The following SLC4A10 variants were observed in gnomAD, a reference collection of about 807,000 sequenced individuals.
SLC4A10 encodes the protein solute carrier family 4 member 10.
Under a neutral mutation model 137.7 loss-of-function variants are expected in SLC4A10, and 42 were observed. The ratio of observed to expected loss-of-function variants is 0.30; its 90% CI spans 0.24 to 0.39. The LOEUF is 0.39. SLC4A10 is among the 10% of genes least tolerant of loss of function. SLC4A10 has a pLI of 1.00. For missense variants in SLC4A10, 925 were observed against 1,355.0 expected, an observed-to-expected ratio of 0.68 and a Z score of 4.98; for synonymous variants, 474 against 464.1, an observed-to-expected ratio of 1.02 and a Z score of -0.27.
intron 1 of SLC4A10, among the ~76,000 whole-genome samples, chr2:161,664,130 C>T (rs1466597474): frequency 1.3e-5 from 2 of 151,896 alleles, no homozygotes; most frequent in Non-Finnish European, 2.9e-5. Flanking sequence ...AAACAAGAAG[C>T]TCTGGGATTC....
intron 1 of SLC4A10, among the ~76,000 whole-genome samples, chr2:161,643,590 G>GT (rs1187424121): frequency 1.3e-5 from 2 of 152,076 alleles, no homozygotes; most frequent in Non-Finnish European, 2.9e-5. Flanking sequence ...AAAAGAGATA[G>GT]TTTTTTCATA....
In SLC4A10 at chr2:161,955,074, C is replaced by T. The variant is rs564971484; in HGVS notation, c.2542-1915C>T. 2.0e-5 allele frequency among the ~76,000 whole-genome samples: 3 copies of T among 152,208 alleles called. No individual in the cohort carries two copies. The South Asian group carries it at 6.2e-4, about 32-fold the overall frequency. Reference sequence around the variant, plus strand: ...CATCTTTTGATTTCTCTTAGCAGTACCATAATTTTGCAAAATAGCTCCAAG... The same window carrying T: ...CATCTTTTGATTTCTCTTAGCAGTATCATAATTTTGCAAAATAGCTCCAAG... On this transcript the variant is annotated intron_variant, in intron 19 of 26. Coordinates refer to ENST00000446997, the MANE Select transcript of SLC4A10 (RefSeq NM_001178015.2).
At chr2:161,733,019 G>A (rs2125193407) in intron 1 of SLC4A10, among the ~76,000 whole-genome samples, 2 of 152,290 alleles carry the variant, frequency 1.3e-5, no homozygotes, top group Middle Eastern at 3.4e-3. Context: ...GTCGTTGAAA[G>A]CATTCAGTTT....
chr2:161,956,802 T>C (rs540692668), intron 19 of SLC4A10, among the ~76,000 whole-genome samples, 187 bp from the exon 20 acceptor site: 1 of 152,322 alleles, frequency 6.6e-6, no homozygotes, highest in South Asian at 2.1e-4. Flanking sequence ...TTTTTTCTAA[T>C]AGAAGTCACC....
chr2:161,830,175 A>AAT (rs1559345916), intron 3 of SLC4A10, among the ~76,000 whole-genome samples: 1 of 151,682 alleles, frequency 6.6e-6, no homozygotes, highest in African/African-American at 2.4e-5. Flanking sequence ...AAAAAAAAAA[A>AAT]AATAACAACA....
chr2:161,668,717 G>A (rs2039366247), intron 1 of SLC4A10, among the ~76,000 whole-genome samples: 1 of 151,636 alleles, frequency 6.6e-6, no homozygotes, highest in Admixed American at 6.6e-5. Flanking sequence ...ATAGTCTTTT[G>A]GAACACATTA....
At chr2:161,701,137 C>T (rs2043080332) in intron 1 of SLC4A10, among the ~76,000 whole-genome samples, 1 of 151,932 alleles carries the variant, frequency 6.6e-6, no homozygotes, top group African/African-American at 2.4e-5. Flanking sequence ...ATACAGATCC[C>T]AAGGGCAAAA....
At chr2:161,758,217 A>G (rs1392562430) in intron 1 of SLC4A10, among the ~76,000 whole-genome samples, 1 of 151,996 alleles carries the variant, frequency 6.6e-6, no homozygotes, top group Admixed American at 6.6e-5. Flanking sequence ...GATAAAACAT[A>G]TCACTAATAA....
At chr2:161,633,815 C>T (rs1433719767) in intron 1 of SLC4A10, among the ~76,000 whole-genome samples, 1 of 151,576 alleles carries the variant, frequency 6.6e-6, no homozygotes, top group Non-Finnish European at 1.5e-5. Context: ...AATCCTTTTC[C>T]TAATAATAAA....
At chr2:161,852,842 G>C (rs2059907270) in intron 4 of SLC4A10, among the ~76,000 whole-genome samples, 1 of 152,070 alleles carries the variant, frequency 6.6e-6, no homozygotes. Context: ...TATTTAATGT[G>C]TTTAATTTGT....
At chr2:161,953,229 AT>A (rs993972429) in intron 19 of SLC4A10, among the ~76,000 whole-genome samples, 14 of 152,118 alleles carry the variant, frequency 9.2e-5, no homozygotes, top group African/African-American at 3.4e-4. Context: ...TCCCAAACAT[AT>A]TTTAGATCTT....
chr2:161,725,366 G>A (rs2046104469), intron 1 of SLC4A10, among the ~76,000 whole-genome samples: 1 of 152,130 alleles, frequency 6.6e-6, no homozygotes. Context: ...GATTTTTAAG[G>A]AGATAATGTA....
At chr2:161,743,055 A>G (rs979931439) in intron 1 of SLC4A10, among the ~76,000 whole-genome samples, 8 of 152,102 alleles carry the variant, frequency 5.3e-5, no homozygotes, top group Non-Finnish European at 8.8e-5. Flanking sequence ...ATTTTCTCCC[A>G]TTCTGTGGGT....
At chr2:161,956,959 T>G in intron 19 of SLC4A10, 30 bp from the exon 20 acceptor site, 1 of 1,537,798 alleles carries the variant, frequency 6.5e-7, no homozygotes, top group Admixed American at 2.1e-5. Flanking sequence ...TGACACAGTT[T>G]CTTTCTCTCT....
chr2:161,723,489 G>C (rs750771803), intron 1 of SLC4A10, among the ~76,000 whole-genome samples: 3 of 152,128 alleles, frequency 2.0e-5, no homozygotes, highest in Admixed American at 6.5e-5. Flanking sequence ...TTCTGGTTTC[G>C]TTTCCACTAG....
intron 3 of SLC4A10, among the ~76,000 whole-genome samples, chr2:161,836,683 T>C (rs1477599763): frequency 6.7e-6 from 1 of 148,704 alleles, no homozygotes; most frequent in African/African-American, 2.5e-5. Context: ...AACTTACACA[T>C]TGAAGAAGCT....
At chr2:161,627,143 T>C (rs2032561273) in intron 1 of SLC4A10, among the ~76,000 whole-genome samples, 1 of 152,186 alleles carries the variant, frequency 6.6e-6, no homozygotes, top group Non-Finnish European at 1.5e-5. Flanking sequence ...TAAAACTTGC[T>C]ATTATCATTG....
At chr2:161,907,750 G>A (rs924997330) in intron 15 of SLC4A10, among the ~76,000 whole-genome samples, 2 of 152,218 alleles carry the variant, frequency 1.3e-5, no homozygotes, top group Non-Finnish European at 2.9e-5. Context: ...AGGACTAGAT[G>A]CAAGAGATGC....
At position 161,646,337 on chromosome 2, in the gene SLC4A10, A is replaced by G. The variant is rs189851579; in HGVS notation, c.48+21771A>G. ...TAGGTATTTTTTATGATGTTCTTCA[A>G]TTTTAGGAACTGAAATTTGCTTGAT... is the stretch of plus-strand genomic sequence containing the variant. On this transcript the variant is annotated intron_variant, in intron 1 of 26. Transcript: ENST00000446997. Among the ~76,000 whole-genome samples, 9 of 152,098 alleles carry G rather than the reference A, an allele frequency of 5.9e-5. No individual in the cohort carries two copies. The East Asian group carries it at 1.7e-3, about 29-fold the overall frequency.
Sources: allele counts gnomAD v4.1 joint callset (sites outside exome capture counted in the v4.1 genomes callset), GRCh38; gene constraint gnomAD v4.1.1; transcripts MANE v1.5; gene names NCBI Gene and HGNC (gene_info 2026-07-23, HGNC 2026-07-21).